The following SLC7A14 variants were observed in gnomAD, a reference collection of about 807,000 sequenced individuals.
The protein encoded by SLC7A14 is solute carrier family 7 member 14, also known as gamma-aminobutyric acid transporter SLC7A14.
SLC7A14 carries 37 observed loss-of-function variants against 60.2 expected under a neutral mutation model. The ratio of observed to expected loss-of-function variants is 0.61; its 90% CI spans 0.47 to 0.81. The LOEUF (loss-of-function observed/expected upper bound fraction) is 0.81, where lower values mean the gene tolerates loss of function less well. SLC7A14 is among the 30% of genes least tolerant of loss of function. The pLI is 0.00. For synonymous variants in SLC7A14, 399 were observed against 395.8 expected, an observed-to-expected ratio of 1.01 and a Z score of -0.10; for missense variants, 886 against 982.7, an observed-to-expected ratio of 0.90 and a Z score of 1.32.
intron 1 of SLC7A14, among the ~76,000 whole-genome samples, chr3:170,576,534 T>C (rs1411729282): frequency 2.0e-5 from 3 of 152,204 alleles, no homozygotes; most frequent in Admixed American, 6.5e-5. Context: ...GTTTTACTTA[T>C]TGGTAAACTT....
In SLC7A14 at chr3:170,471,090, G is replaced by GTGTGTGTGTGTGTGT. The variant is rs1553864202; in HGVS notation, c.1994-3714_1994-3713insACACACACACACACA. On this transcript the variant is annotated intron_variant, in intron 7 of 7. Transcript: ENST00000231706. ...ACTCCCTTTAACCTGTCTGGGAAGGGGTGTGTGTGTGTGTGTGTGTGTGTG... is the reference window on the plus strand; with the variant it reads ...ACTCCCTTTAACCTGTCTGGGAAGGGTGTGTGTGTGTGTGTGTGTGTGTGTGTGTGTGTGTGTGTG... 1.3e-3 allele frequency among the ~76,000 whole-genome samples: 197 copies of GTGTGTGTGTGTGTGT among 146,448 alleles called. 1 individual carries two copies. Among genetic ancestry groups the GTGTGTGTGTGTGTGT allele is most frequent in the African/African-American group, 4.4e-3 (172 of 39,198 alleles).
At chr3:170,556,854 G>A (rs1456112522) in intron 1 of SLC7A14, among the ~76,000 whole-genome samples, 1 of 152,136 alleles carries the variant, frequency 6.6e-6, no homozygotes, top group African/African-American at 2.4e-5. Flanking sequence ...TTTTTCATGT[G>A]AATTATTTCA....
In SLC7A14 at chr3:170,550,512, A is replaced by ATTTT. The variant is rs369436642; in HGVS notation, c.-152-23428_-152-23425dup. The stretch of plus-strand genomic sequence containing the variant: ...TAAACCTAATGCCATCTTTCCTTGA[A>ATTTT]TTTTTTTTTTTTTTTTTTTTTTTTT... On this transcript the variant is annotated intron_variant, in intron 1 of 7. Transcript: ENST00000231706. 1.0e-3 allele frequency among the ~76,000 whole-genome samples: 61 copies of ATTTT among 60,600 alleles called. 1 individual carries two copies. Among genetic ancestry groups the ATTTT allele is most frequent in the Admixed American group, 3.0e-3 (14 of 4,610 alleles). The allele number at this position is 60,600 out of a possible 152,430, so 39.8% of individuals were successfully genotyped here. A position where few individuals can be genotyped will look rare whatever the true frequency, so the allele number is the denominator to read the frequency against.
intron 4 of SLC7A14, among the ~76,000 whole-genome samples, chr3:170,492,455 T>C (rs1310655775): frequency 6.6e-6 from 1 of 152,104 alleles, no homozygotes; most frequent in Non-Finnish European, 1.5e-5. Context: ...CAGTGAGCTG[T>C]GATCGCACCA....
At chr3:170,525,693 C>G (rs1228504057) in intron 2 of SLC7A14, among the ~76,000 whole-genome samples, 1 of 152,010 alleles carries the variant, frequency 6.6e-6, no homozygotes, top group African/African-American at 2.4e-5. Flanking sequence ...AAAATAAAAA[C>G]AGAGCCATTA....
At chr3:170,562,156 A>G (rs1054039056) in intron 1 of SLC7A14, among the ~76,000 whole-genome samples, 1 of 152,206 alleles carries the variant, frequency 6.6e-6, no homozygotes, top group Admixed American at 6.5e-5. Context: ...ACCCAGAGGA[A>G]TAAAAGTCAT....
intron 5 of SLC7A14, among the ~76,000 whole-genome samples, chr3:170,485,831 C>T (rs1712010074): frequency 1.3e-5 from 2 of 152,204 alleles, no homozygotes; most frequent in Non-Finnish European, 2.9e-5. Context: ...GGGAAGCTCC[C>T]AGAAGACAGA....
Position 170,501,203 on chromosome 3 carries a change from G to A in SLC7A14, c.447C>T (p.Ala149=), listed in dbSNP as rs751095169. ...ACATGCTGCTCAGAGCACTGGCTCC[G>A]GCCGCAGTGCCAATCAGGTACTCCA... The part of the protein sequence containing the change: ...LILEYLIGTA[A]GASALSSMFD... The change falls in exon 3 of 8, where the codon GCC becomes GCT. Residue 149 remains alanine, a synonymous_variant. Transcript: ENST00000231706. 27 of 1,614,062 alleles carry A rather than the reference G, an allele frequency of 1.7e-5. No individual in the cohort carries two copies. The highest frequency in any genetic ancestry group is 1.6e-4 in the Middle Eastern group (1 of 6,084).
chr3:170,569,374 G>C (rs1437108165), intron 1 of SLC7A14, among the ~76,000 whole-genome samples: 2 of 152,174 alleles, frequency 1.3e-5, no homozygotes, highest in African/African-American at 2.4e-5. Context: ...CATGATCATG[G>C]TGGATAAGCT....
At chr3:170,484,472 C>T (rs1711951285) in intron 5 of SLC7A14, among the ~76,000 whole-genome samples, 1 of 152,230 alleles carries the variant, frequency 6.6e-6, no homozygotes, top group Non-Finnish European at 1.5e-5. Flanking sequence ...AACATCCCTG[C>T]CTTCAGAATT....
chr3:170,460,326 T>C lies in SLC7A14; in HGVS notation c.*6729A>G, dbSNP rs1211479763. ...AGAAAAGCTAGAATGTGGAGTCCTG[T>C]CATCAGATGATGTGACTACATGGAA... is the stretch of plus-strand genomic sequence containing the variant. On this transcript the variant is annotated 3_prime_UTR_variant, in exon 8 of 8. Coordinates refer to ENST00000231706, the MANE Select transcript of SLC7A14 (RefSeq NM_020949.3). 2 of 152,210 alleles carry C rather than the reference T, an allele frequency of 1.3e-5. No individual in the cohort carries two copies. Among genetic ancestry groups the C allele is most frequent in the Non-Finnish European group, 2.9e-5 (2 of 68,036 alleles). The allele number at this position is 152,210 out of a possible 1,614,324, so 9.4% of individuals were successfully genotyped here.
At chr3:170,501,791 G>A (rs75401980) in intron 2 of SLC7A14, among the ~76,000 whole-genome samples, 4,487 of 152,316 alleles carry the variant, frequency 0.029, 230 homozygotes, top group African/African-American at 0.1. Flanking sequence ...TGAGCAATCT[G>A]TGAAAATGCT....
chr3:170,570,611 A>G (rs1214179272), intron 1 of SLC7A14, among the ~76,000 whole-genome samples: 2 of 152,152 alleles, frequency 1.3e-5, no homozygotes, highest in East Asian at 1.9e-4. Flanking sequence ...TTGGAAACAA[A>G]TGGAATGATT....
chr3:170,556,890 A>G (rs897804982), intron 1 of SLC7A14, among the ~76,000 whole-genome samples: 4 of 152,232 alleles, frequency 2.6e-5, no homozygotes, highest in African/African-American at 7.2e-5. Flanking sequence ...TCACTGAAAT[A>G]TGGCCTACCA....
intron 4 of SLC7A14, 43 bp from the exon 5 acceptor site, chr3:170,486,411 G>A (rs1712033195): frequency 6.2e-7 from 1 of 1,613,694 alleles, no homozygotes. Flanking sequence ...AGATCGGGGT[G>A]GCACCTGGGT....
chr3:170,529,559 T>C (rs1713612896), intron 1 of SLC7A14, among the ~76,000 whole-genome samples: 1 of 152,194 alleles, frequency 6.6e-6, no homozygotes, highest in Admixed American at 6.5e-5. Context: ...GCTGTCATGG[T>C]GCTGACGTTT....
At chr3:170,571,203 C>T (rs1978399) in intron 1 of SLC7A14, among the ~76,000 whole-genome samples, 148,120 of 152,322 alleles carry the variant, frequency 0.97, 72,043 homozygotes, top group East Asian at 1. Context: ...TATTAGTCTT[C>T]CTGTACTATG....
chr3:170,502,984 T>A (rs182760361), intron 2 of SLC7A14: 1 of 152,238 alleles, frequency 6.6e-6, no homozygotes, highest in Non-Finnish European at 1.5e-5. Flanking sequence ...CCATCTGTTA[T>A]ATTGAACTTT....
intron 7 of SLC7A14, among the ~76,000 whole-genome samples, chr3:170,470,763 C>T (rs1316573281): frequency 1.3e-5 from 2 of 152,002 alleles, no homozygotes; most frequent in Non-Finnish European, 2.9e-5. Flanking sequence ...AGAAGAGAAA[C>T]GTATTACCAT....
Sources: gnomAD v4.1 joint callset for allele counts (sites outside exome capture counted in the v4.1 genomes callset) on GRCh38, gnomAD v4.1.1 for gene constraint, MANE v1.5 for transcripts, NCBI Gene and HGNC (gene_info 2026-07-23, HGNC 2026-07-21) for gene names.